RND1: variants seen among roughly 807,000 people sequenced by gnomAD.
RND1 encodes the protein rho-related GTP-binding protein Rho6.
RND1 carries 9 observed loss-of-function variants against 27.1 expected under a neutral mutation model. That is an observed-to-expected ratio of 0.33 (90% CI 0.20 to 0.58). The LOEUF (loss-of-function observed/expected upper bound fraction) is 0.58, where lower values mean the gene tolerates loss of function less well. RND1 is among the 20% of genes least tolerant of loss of function. The pLI is 0.86. For missense variants in RND1, 253 were observed against 292.2 expected (o/e 0.87, Z 0.98); for synonymous variants, 108 against 115.7 (o/e 0.93, Z 0.43).
chr12:48,863,921 G>T (rs1938951409), intron 2 of RND1, among the ~76,000 whole-genome samples: 1 of 152,014 alleles, frequency 6.6e-6, no homozygotes, highest in Admixed American at 6.6e-5. Context: ...CCAGTCTATT[G>T]AAAAAGGTCT....
At chr12:48,862,288 C>T in intron 2 of RND1, 170 bp from the exon 3 acceptor site, 1 of 555,008 alleles carries the variant, frequency 1.8e-6, no homozygotes, top group Non-Finnish European at 3.2e-6. Context: ...GCCAGAAGGT[C>T]ATGAAAGAAT....
Position 48,857,930 on chromosome 12 carries a change from C to T in RND1, c.*66G>A, listed in dbSNP as rs144205522. 1.4e-4 allele frequency: 206 copies of T among 1,522,634 alleles called. 2 individuals are homozygous for T. In the East Asian group the frequency reaches 2.7e-3, roughly 20 times the overall value. The allele number at this position is 1,522,634 out of a possible 1,614,324, so 94.3% of individuals were successfully genotyped here. A position where few individuals can be genotyped will look rare whatever the true frequency, so the allele number is the denominator to read the frequency against. Reference sequence around the variant, plus strand: ...AGTGTCCTAAATTGTCTCATCCTCCCTCTCCCCGTGCCTCTGCACCCCAAG... The same window carrying T: ...AGTGTCCTAAATTGTCTCATCCTCCTTCTCCCCGTGCCTCTGCACCCCAAG... On this transcript the variant is annotated 3_prime_UTR_variant, in exon 5 of 5. Coordinates refer to ENST00000309739, the MANE Select transcript of RND1 (RefSeq NM_014470.4).
At chr12:48,861,421 C>G (rs1938918008) in intron 3 of RND1, among the ~76,000 whole-genome samples, 1 of 152,182 alleles carries the variant, frequency 6.6e-6, no homozygotes, top group East Asian at 1.9e-4. Context: ...CTCTGCCAAC[C>G]ATATAGGCAT....
At position 48,864,709 on chromosome 12, in the gene RND1, C is replaced by T. The variant is rs931745822; in HGVS notation, c.208+74G>A. 7 of 1,149,886 alleles carry T rather than the reference C, an allele frequency of 6.1e-6. No homozygotes were observed. The African/African-American group carries it at 1.1e-4, about 18-fold the overall frequency. The allele number at this position is 1,149,886 out of a possible 1,614,324, so 71.2% of individuals were successfully genotyped here. ...CACTTCTCCCCACCAAAGGGGAAAA[C>T]AATTTCTAAAAGACAGCAGCTACAC... On this transcript the variant is annotated intron_variant, in intron 2 of 4. Coordinates refer to ENST00000309739, the MANE Select transcript of RND1 (RefSeq NM_014470.4).
chr12:48,857,948 A>T lies in RND1; in HGVS notation c.*48T>A. 6.5e-7 allele frequency: 1 copy of T among 1,538,894 alleles called. No individual in the cohort carries two copies. On this transcript the variant is annotated 3_prime_UTR_variant, in exon 5 of 5. Transcript: ENST00000309739. ...ATCCTCCCTCTCCCCGTGCCTCTGC[A>T]CCCCAAGGGAGGAAGTAGGGGGTTG... is the stretch of plus-strand genomic sequence containing the variant.
rs951660501 is a variant in RND1, at chr12:48,857,711, C to T, written c.*285G>A. Reference sequence around the variant, plus strand: ...AAGCCCATGAGGCCAGCATGCCCCCCGTCCCCCACAGCTTTCCTTCCTCTG... The same window carrying T: ...AAGCCCATGAGGCCAGCATGCCCCCTGTCCCCCACAGCTTTCCTTCCTCTG... On this transcript the variant is annotated 3_prime_UTR_variant, in exon 5 of 5. Coordinates refer to ENST00000309739, the MANE Select transcript of RND1 (RefSeq NM_014470.4). 2 of 295,210 alleles carry T rather than the reference C, an allele frequency of 6.8e-6. No homozygotes were observed. Among genetic ancestry groups the T allele is most frequent in the South Asian group, 6.1e-5 (1 of 16,354 alleles). 18.3% of individuals were successfully genotyped at this position (295,210 alleles called of 1,614,324 possible). A position where few individuals can be genotyped will look rare whatever the true frequency, so the allele number is the denominator to read the frequency against.
rs1938865001 is a variant in RND1, at chr12:48,857,859, G to A, written c.*137C>T. The A allele has an allele frequency of 3.8e-6, 4 of 1,045,240 alleles. No individual in the cohort carries two copies. Among genetic ancestry groups the A allele is most frequent in the East Asian group, 2.7e-5 (1 of 37,254 alleles). 64.7% of individuals were successfully genotyped at this position (1,045,240 alleles called of 1,614,324 possible). On this transcript the variant is annotated 3_prime_UTR_variant, in exon 5 of 5. Coordinates refer to ENST00000309739, the MANE Select transcript of RND1 (RefSeq NM_014470.4). ...CTGGCTCCTTCCTCGCCCCATTCCT[G>A]TCTCCTTCCAAGCCCTCACCGTGGC... is the stretch of plus-strand genomic sequence containing the variant.
Position 48,863,280 on chromosome 12 carries a change from G to A in RND1, c.209-1162C>T, listed in dbSNP as rs1938941587. Reference sequence around the variant, plus strand: ...CCTTATGGGAACCTAATCTGAAAGAGGGAGTTTGAGAATAACTGACAGCCT... The same window carrying A: ...CCTTATGGGAACCTAATCTGAAAGAAGGAGTTTGAGAATAACTGACAGCCT... On this transcript the variant is annotated intron_variant, in intron 2 of 4. Coordinates refer to ENST00000309739, the MANE Select transcript of RND1 (RefSeq NM_014470.4). Among the ~76,000 whole-genome samples, 4 of 152,208 alleles carry A rather than the reference G, an allele frequency of 2.6e-5. No homozygotes were observed. In the South Asian group the frequency reaches 8.3e-4, roughly 32 times the overall value.
At chr12:48,864,744 G>A in intron 2 of RND1, 39 bp downstream of exon 2, 1 of 1,398,076 alleles carries the variant, frequency 7.2e-7, no homozygotes, top group Non-Finnish European at 1.0e-6. Flanking sequence ...CAGCAGACCA[G>A]TAGGGGTGGG....
chr12:48,858,392 T>A, intron 4 of RND1, 151 bp from the exon 5 acceptor site: 1 of 497,036 alleles, frequency 2.0e-6, no homozygotes, highest in Non-Finnish European at 3.0e-6. Context: ...ATCTTTTCTT[T>A]TTTTTTTTTT....
At chr12:48,864,422 C>T (rs1398405233) in intron 2 of RND1, among the ~76,000 whole-genome samples, 5 of 123,014 alleles carry the variant, frequency 4.1e-5, no homozygotes, top group Admixed American at 1.7e-4. Context: ...TGTGTGCGCG[C>T]GCGCGCGTGT....
chr12:48,861,201 A>T, intron 3 of RND1, 70 bp from the exon 4 acceptor site: 1 of 1,510,272 alleles, frequency 6.6e-7, no homozygotes, highest in Non-Finnish European at 9.0e-7. Flanking sequence ...GACAGATACC[A>T]GGAGAAGCTT....
chr12:48,861,238 C>T (rs1938916103), intron 3 of RND1, 107 bp from the exon 4 acceptor site: 2 of 1,058,194 alleles, frequency 1.9e-6, no homozygotes, highest in Admixed American at 2.4e-5. Flanking sequence ...CACATCACCT[C>T]ACTCATCACC....
Position 48,857,944 on chromosome 12 carries a change from C to T in RND1, c.*52G>A. 2 of 1,538,276 alleles carry T rather than the reference C, an allele frequency of 1.3e-6. No homozygotes were observed. Among genetic ancestry groups the T allele is most frequent in the African/African-American group, 2.8e-5 (2 of 72,492 alleles). ...TCTCATCCTCCCTCTCCCCGTGCCT[C>T]TGCACCCCAAGGGAGGAAGTAGGGG... On this transcript the variant is annotated 3_prime_UTR_variant, in exon 5 of 5. Transcript: ENST00000309739.
chr12:48,857,568 G>A lies in RND1; in HGVS notation c.*428C>T, dbSNP rs114688735. On this transcript the variant is annotated 3_prime_UTR_variant, in exon 5 of 5. Coordinates refer to ENST00000309739, the MANE Select transcript of RND1 (RefSeq NM_014470.4). ...CTGCCGCTCCACTTCCCCACTCTCCGTTGCTGCCTCCTTAGAGGGGAAGGG... is the reference window on the plus strand; with the variant it reads ...CTGCCGCTCCACTTCCCCACTCTCCATTGCTGCCTCCTTAGAGGGGAAGGG... 979 of 156,450 alleles carry A rather than the reference G, an allele frequency of 6.3e-3. 12 individuals carry two copies. The highest frequency in any genetic ancestry group is 0.021 in the African/African-American group (863 of 41,610). The allele number at this position is 156,450 out of a possible 1,614,324, so 9.7% of individuals were successfully genotyped here. A position where few individuals can be genotyped will look rare whatever the true frequency, so the allele number is the denominator to read the frequency against.
chr12:48,864,808 C>A lies in RND1; in HGVS notation c.183G>T (p.Val61=), dbSNP rs905278727. The part of the protein sequence containing the change: ...TACLETEEQR[V]ELSLWDTSGS... ...CTGAGGTATCCCAGAGACTAAGCTCCACCCTCTGTTCCTCTGTCTCCAAAC... is the reference window on the plus strand; with the variant it reads ...CTGAGGTATCCCAGAGACTAAGCTCAACCCTCTGTTCCTCTGTCTCCAAAC... Residue 61 remains valine, a synonymous_variant, in exon 2 of 5, where the codon GTG becomes GTT. Transcript: ENST00000309739. The A allele has an allele frequency of 3.7e-6, 6 of 1,613,766 alleles. No homozygotes were observed. In the African/African-American group the frequency reaches 8.0e-5, roughly 22 times the overall value.
chr12:48,865,603 G>T, intron 1 of RND1, 45 bp downstream of exon 1: 1 of 1,576,034 alleles, frequency 6.3e-7, no homozygotes. Flanking sequence ...CCCAAGGCGG[G>T]CAGGCAGGGA....
Position 48,858,220 on chromosome 12 carries a change from G to T in RND1, c.475C>A (p.Leu159Met). 6 of 1,614,064 alleles carry T rather than the reference G, an allele frequency of 3.7e-6. No individual in the cohort carries two copies. Among genetic ancestry groups the T allele is most frequent in the Non-Finnish European group, 5.1e-6 (6 of 1,180,012 alleles). The change falls in exon 5 of 5, where the codon CTG becomes ATG. Residue 159 changes from leucine (L) to methionine (M), a missense_variant. Transcript: ENST00000309739. ...CCTTCCAGGTAGATTTCTGCACCCAGCTGCTTTGCTATTGCACAACCCTGC... is the reference window on the plus strand; with the variant it reads ...CCTTCCAGGTAGATTTCTGCACCCATCTGCTTTGCTATTGCACAACCCTGC... ...YEQGCAIAKQ[L>M]GAEIYLEGSA...
chr12:48,864,187 TC>T (rs1347866517), intron 2 of RND1, among the ~76,000 whole-genome samples: 3 of 152,028 alleles, frequency 2.0e-5, no homozygotes, highest in African/African-American at 7.3e-5. Context: ...CATTGCTTCA[TC>T]CCCGAGCTGC....
Sources: gnomAD v4.1 joint callset for allele counts (sites outside exome capture counted in the v4.1 genomes callset) on GRCh38, gnomAD v4.1.1 for gene constraint, MANE v1.5 for transcripts, NCBI Gene and HGNC (gene_info 2026-07-23, HGNC 2026-07-21) for gene names.